The following SPIN2A variants were observed in gnomAD, a reference collection of about 807,000 sequenced individuals.
SPIN2A encodes spindlin-2A.
A neutral mutation model predicts 9.2 loss-of-function variants in SPIN2A; 4 were observed. That is an observed-to-expected ratio of 0.44 (90% CI 0.21 to 1.00). SPIN2A has a LOEUF of 1.00. Among genes scored for constraint, SPIN2A ranks in the 50% least tolerant of loss-of-function variants. The probability of loss-of-function intolerance (pLI) is 0.26; values close to 1 mark genes in which losing one functional copy is unlikely to be tolerated. For missense variants in SPIN2A, 77 were observed against 172.8 expected (o/e 0.45, Z 3.11); for synonymous variants, 25 against 61.2 (o/e 0.41, Z 2.76).
chrX:57,145,196 T>C, the SPIN2A span, among the ~76,000 whole-genome samples: 23,583 of 109,155 alleles, frequency 0.22, 2,307 homozygotes, highest in Middle Eastern at 0.55. Context: ...TGTTCCCTTT[T>C]CACCACATCC....
chrX:57,138,362 A>T (rs1379949964), upstream of SPIN2A, among the ~76,000 whole-genome samples: 2 of 111,216 alleles, frequency 1.8e-5, no homozygotes, highest in African/African-American at 6.5e-5. Flanking sequence ...GTTGGCTAAC[A>T]TCTGAAAAGT....
chrX:57,146,573 T>C, the SPIN2A span, among the ~76,000 whole-genome samples: 1 of 112,075 alleles, frequency 8.9e-6, no homozygotes, highest in Non-Finnish European at 1.9e-5. Context: ...TCTTGTCTGA[T>C]TGCTCTTGCT....
At chrX:57,139,850 G>A (rs938432423), upstream of SPIN2A, among the ~76,000 whole-genome samples, 22 of 111,519 alleles carry the variant, frequency 2.0e-4, no homozygotes, top group Admixed American at 6.7e-4. Flanking sequence ...TCCTTCTGTA[G>A]CTCCATATGA....
At chrX:57,137,079 C>A (rs1011586285) in intron 1 of SPIN2A, 181 bp downstream of exon 1, 71 of 790,920 alleles carry the variant, frequency 9.0e-5, no homozygotes, top group Non-Finnish European at 1.0e-4. Context: ...CTATTCCTAC[C>A]CCCTTTCCCT....
the SPIN2A span, among the ~76,000 whole-genome samples, chrX:57,143,824 T>C: frequency 8.9e-6 from 1 of 111,850 alleles, no homozygotes; most frequent in African/African-American, 3.2e-5. Context: ...ACAGTAAAGA[T>C]ATAAGTGGTT....
downstream of SPIN2A, chrX:57,134,723 C>T (rs1293426445): frequency 2.7e-5 from 3 of 111,798 alleles, no homozygotes; most frequent in Non-Finnish European, 3.8e-5. Context: ...CTAACCCATC[C>T]TCTACCAAGA....
In SPIN2A at chrX:57,137,247, C is replaced by G. The variant is rs766813396; in HGVS notation, c.-6+13G>C. ...GCCGGGGATCGCGGGCCTCACGTGC[C>G]GAAATCGGATACCTCGATGCTGCCT... On this transcript the variant is annotated intron_variant, in intron 1 of 1. Coordinates refer to ENST00000374906, the MANE Select transcript of SPIN2A (RefSeq NM_019003.5). 31 of 759,315 alleles carry G rather than the reference C, an allele frequency of 4.1e-5. No homozygotes were observed. The African/African-American group carries it at 6.4e-4, about 16-fold the overall frequency. The allele number at this position is 759,315 out of a possible 1,213,427, so 62.6% of individuals were successfully genotyped here.
chrX:57,143,611 G>C, the SPIN2A span, among the ~76,000 whole-genome samples: 2 of 110,373 alleles, frequency 1.8e-5, no homozygotes, highest in African/African-American at 3.3e-5. Context: ...TGAGTAGCTA[G>C]AACCATAGGA....
Position 57,137,390 on chromosome X carries a change from G to T in SPIN2A, c.-136C>A. The T allele has an allele frequency of 5.4e-6, 4 of 746,909 alleles. No individual in the cohort carries two copies. Among genetic ancestry groups the T allele is most frequent in the Non-Finnish European group, 6.3e-6 (4 of 632,076 alleles). The allele number at this position is 746,909 out of a possible 1,213,427, so 61.6% of individuals were successfully genotyped here. A position where few individuals can be genotyped will look rare whatever the true frequency, so the allele number is the denominator to read the frequency against. On this transcript the variant is annotated 5_prime_UTR_variant, in exon 1 of 2. Transcript: ENST00000374906. ...CGTGTGTAGGAGCGCGGCGAGACAG[G>T]CAAAGAGCACTGCAGCGGTGTCCCC...
the SPIN2A span, among the ~76,000 whole-genome samples, chrX:57,142,776 C>A: frequency 9.0e-6 from 1 of 111,556 alleles, no homozygotes; most frequent in Non-Finnish European, 1.9e-5. Context: ...TTAAATATAT[C>A]TCTGTGCACT....
upstream of SPIN2A, among the ~76,000 whole-genome samples, chrX:57,138,420 T>TTA (rs764241953): frequency 0.012 from 1,327 of 107,736 alleles, 15 homozygotes; most frequent in African/African-American, 0.023. Flanking sequence ...TAATATTTTA[T>TTA]TATATATATA....
chrX:57,145,252 T>C, the SPIN2A span, among the ~76,000 whole-genome samples: 1 of 77,668 alleles, frequency 1.3e-5, no homozygotes, highest in Non-Finnish European at 2.2e-5. Flanking sequence ...GATCATTCTT[T>C]TGGGGGGGGG....
upstream of SPIN2A, chrX:57,137,414 C>G (rs1279823558): frequency 1.9e-5 from 14 of 724,327 alleles, no homozygotes; most frequent in Admixed American, 1.7e-4. Context: ...AGCGGTGTCC[C>G]CAGCGCTTCG....
At chrX:57,144,487 G>A in the SPIN2A span, among the ~76,000 whole-genome samples, 3 of 108,485 alleles carry the variant, frequency 2.8e-5, no homozygotes, top group Admixed American at 1.0e-4. Context: ...TCTGGATCTC[G>A]TAAGCACACT....
At chrX:57,142,530 T>C in the SPIN2A span, among the ~76,000 whole-genome samples, 2 of 112,314 alleles carry the variant, frequency 1.8e-5, no homozygotes, top group Admixed American at 1.9e-4. Flanking sequence ...TAACATATGG[T>C]CTGTCTTGGA....
upstream of SPIN2A, among the ~76,000 whole-genome samples, chrX:57,141,206 G>T (rs1927995258): frequency 9.0e-6 from 1 of 111,134 alleles, no homozygotes; most frequent in Non-Finnish European, 1.9e-5. Flanking sequence ...TATGGTTTTG[G>T]TACTTTATTC....
At chrX:57,145,246 A>T in the SPIN2A span, among the ~76,000 whole-genome samples, 36 of 78,335 alleles carry the variant, frequency 4.6e-4, no homozygotes, top group Non-Finnish European at 7.3e-4. Context: ...GATTATGATC[A>T]TTCTTTTGGG....
chrX:57,143,505 C>T, the SPIN2A span, among the ~76,000 whole-genome samples: 1 of 110,330 alleles, frequency 9.1e-6, no homozygotes, highest in Non-Finnish European at 1.9e-5. Context: ...GAGATAGGAT[C>T]TCACTCTATC....
At chrX:57,134,648 A>T (rs1451493115), downstream of SPIN2A, 1 of 111,223 alleles carries the variant, frequency 9.0e-6, no homozygotes, top group Admixed American at 9.5e-5. Flanking sequence ...GTAAGATTTC[A>T]TTTTTTCTGG....
Sources: gnomAD v4.1 joint callset for allele counts (sites outside exome capture counted in the v4.1 genomes callset) on GRCh38, gnomAD v4.1.1 for gene constraint, MANE v1.5 for transcripts, NCBI Gene and HGNC (gene_info 2026-07-23, HGNC 2026-07-21) for gene names.